Variants in DOCK7 observed in about 807,000 individuals in gnomAD.
The protein encoded by DOCK7 is dedicator of cytokinesis protein 7.
DOCK7 carries 138 observed loss-of-function variants against 271.0 expected under a neutral mutation model. The observed-to-expected ratio is 0.51, with a 90% CI of 0.44 to 0.59. The LOEUF (loss-of-function observed/expected upper bound fraction) is 0.59, where lower values mean the gene tolerates loss of function less well. DOCK7 is among the 20% of genes least tolerant of loss of function. DOCK7 has a pLI of 0.00. For missense variants in DOCK7, 2,066 were observed against 2,592.4 expected (o/e 0.80, Z 4.41); for synonymous variants, 823 against 876.1 (o/e 0.94, Z 1.07).
At chr1:62,542,803 G>T in intron 24 of DOCK7, 100 bp from the exon 25 acceptor site, 1 of 1,060,530 alleles carries the variant, frequency 9.4e-7, no homozygotes, top group Non-Finnish European at 1.4e-6. Flanking sequence ...ATGAGAATAA[G>T]CAAAATAAGG....
intron 2 of DOCK7, among the ~76,000 whole-genome samples, chr1:62,659,644 T>C (rs1433674409): frequency 1.3e-5 from 2 of 152,174 alleles, no homozygotes; most frequent in Admixed American, 6.5e-5. Flanking sequence ...CCTAACAATG[T>C]GGTATCTACA....
chr1:62,672,049 T>G (rs1310710507), intron 1 of DOCK7, among the ~76,000 whole-genome samples: 1 of 150,538 alleles, frequency 6.6e-6, no homozygotes, highest in Non-Finnish European at 1.5e-5. Flanking sequence ...GAAGAAAAAA[T>G]TTCAAACTTC....
At chr1:62,599,620 A>G (rs1649815873) in intron 14 of DOCK7, among the ~76,000 whole-genome samples, 2 of 151,970 alleles carry the variant, frequency 1.3e-5, no homozygotes, top group African/African-American at 4.8e-5. Flanking sequence ...CATATTTTCC[A>G]TTATTTGTAT....
In DOCK7 at chr1:62,648,101, T is replaced by C; in HGVS notation, c.732+5A>G. 4 of 1,611,248 alleles carry C rather than the reference T, an allele frequency of 2.5e-6. No homozygotes were observed. Among genetic ancestry groups the C allele is most frequent in the Non-Finnish European group, 2.5e-6 (3 of 1,177,898 alleles). The stretch of plus-strand genomic sequence containing the variant: ...ATTTGCTTCTTTATATGCAAACATC[T>C]ATACCTCATCTGGTGATGGATGCAA... On this transcript the variant is annotated splice_donor_5th_base_variant and intron_variant, in intron 6 of 49. Transcript: ENST00000635253.
Position 62,648,562 on chromosome 1 carries a change from TTAAA to T in DOCK7, c.390-22_390-19del. The T allele has an allele frequency of 1.6e-6, 2 of 1,214,656 alleles. No homozygotes were observed. Among genetic ancestry groups the T allele is most frequent in the Non-Finnish European group, 2.2e-6 (2 of 916,384 alleles). 75.2% of individuals were successfully genotyped at this position (1,214,656 alleles called of 1,614,324 possible). A position where few individuals can be genotyped will look rare whatever the true frequency, so the allele number is the denominator to read the frequency against. ...TATGATATCTATTAAAGAAAAAAAG[TTAAA>T]TAAATATCAACTATCAAACTTAGGA... On this transcript the variant is annotated intron_variant, in intron 4 of 49. Coordinates refer to ENST00000635253, the MANE Select transcript of DOCK7 (RefSeq NM_001367561.1).
chr1:62,593,932 A>G (rs1275754429), intron 14 of DOCK7, among the ~76,000 whole-genome samples: 1 of 152,174 alleles, frequency 6.6e-6, no homozygotes, highest in Non-Finnish European at 1.5e-5. Flanking sequence ...TTTGAAAGAC[A>G]TATCTCCATA....
chr1:62,567,629 T>C (rs181416496), intron 18 of DOCK7, among the ~76,000 whole-genome samples: 81 of 152,178 alleles, frequency 5.3e-4, no homozygotes, highest in African/African-American at 1.8e-3. Context: ...TAAACCTCCA[T>C]GGCACATGTA....
In DOCK7 at chr1:62,583,241, T is replaced by C; in HGVS notation, c.1814A>G (p.Lys605Arg). The C allele has an allele frequency of 6.2e-7, 1 of 1,613,028 alleles. No homozygotes were observed. The highest frequency in any genetic ancestry group is 8.5e-7 in the Non-Finnish European group (1 of 1,179,336). ...PSNAMPVIFGKSSCSEFSKEA... is the reference protein window; with the variant it reads ...PSNAMPVIFGRSSCSEFSKEA... ...CTTTGAAAATTCTGAACAGCTAGAT[T>C]TACCAAAGATTACCTGAAACAAATA... The change falls in exon 16 of 50, where the codon AAA becomes AGA. Residue 605 changes from lysine (K) to arginine (R), a missense_variant. Physicochemically the swap from Lys to Arg is conservative, Grantham distance 26 (BLOSUM62 2). This residue lies in a region of DOCK7 where 1,414 missense variants were observed against 1,670.4 expected (regional missense o/e 0.85). Coordinates refer to ENST00000635253, the MANE Select transcript of DOCK7 (RefSeq NM_001367561.1).
intron 2 of DOCK7, among the ~76,000 whole-genome samples, chr1:62,654,860 T>C (rs1571914434): frequency 1.3e-5 from 2 of 152,218 alleles, no homozygotes; most frequent in East Asian, 1.9e-4. Flanking sequence ...GATTTGAATA[T>C]CCTGGCCTTG....
chr1:62,589,013 A>G (rs1411031749), intron 14 of DOCK7, among the ~76,000 whole-genome samples: 2 of 152,200 alleles, frequency 1.3e-5, no homozygotes, highest in East Asian at 1.9e-4. Flanking sequence ...AAATGCTGGG[A>G]TAACAGGCAC....
intron 43 of DOCK7, chr1:62,487,074 G>A (rs939550752): frequency 5.0e-6 from 1 of 199,368 alleles, no homozygotes; most frequent in Non-Finnish European, 1.0e-5. Context: ...GAAACAATAT[G>A]GTTAAAAAAA....
chr1:62,467,533 A>T (rs916202526), intron 48 of DOCK7, among the ~76,000 whole-genome samples: 19 of 152,238 alleles, frequency 1.2e-4, no homozygotes, highest in African/African-American at 4.3e-4. Flanking sequence ...ACTGTTTATG[A>T]TAAGGGCACA....
intron 35 of DOCK7, 136 bp from the exon 36 acceptor site, chr1:62,505,952 A>G (rs1374530140): frequency 6.1e-6 from 5 of 819,666 alleles, no homozygotes; most frequent in African/African-American, 1.7e-5. Context: ...AAATGATAAC[A>G]TAAGATCTAG....
chr1:62,568,726 A>G (rs569207169), intron 18 of DOCK7, among the ~76,000 whole-genome samples: 4 of 151,776 alleles, frequency 2.6e-5, no homozygotes, highest in African/African-American at 7.2e-5. Flanking sequence ...GCAGAAGACA[A>G]GAAATAACCA....
chr1:62,682,378 T>C (rs947825313), intron 1 of DOCK7, among the ~76,000 whole-genome samples: 7 of 152,202 alleles, frequency 4.6e-5, no homozygotes, highest in African/African-American at 1.7e-4. Flanking sequence ...TAATAAAGGA[T>C]GTCCAACGCA....
chr1:62,508,886 T>C (rs898914019), intron 34 of DOCK7, among the ~76,000 whole-genome samples: 1 of 152,156 alleles, frequency 6.6e-6, no homozygotes, highest in Non-Finnish European at 1.5e-5. Flanking sequence ...ATTTTTGTTT[T>C]AGCAATAATA....
At chr1:62,527,741 G>T (rs995353493) in intron 31 of DOCK7, among the ~76,000 whole-genome samples, 1 of 136,182 alleles carries the variant, frequency 7.3e-6, no homozygotes, top group Non-Finnish European at 1.6e-5. Flanking sequence ...GGTGGGGGGA[G>T]GGGGAGGGAT....
intron 14 of DOCK7, among the ~76,000 whole-genome samples, chr1:62,590,550 T>C (rs557061957): frequency 7.2e-5 from 11 of 152,310 alleles, no homozygotes; most frequent in South Asian, 2.1e-4. Context: ...CTTAGCTTCA[T>C]AGAACTCGTG....
intron 14 of DOCK7, among the ~76,000 whole-genome samples, chr1:62,606,709 A>G (rs1054705899): frequency 1.3e-5 from 2 of 152,110 alleles, no homozygotes; most frequent in East Asian, 1.9e-4. Flanking sequence ...CATATTTAGT[A>G]CTGTGGGCCA....
Sources: allele counts gnomAD v4.1 joint callset (sites outside exome capture counted in the v4.1 genomes callset), GRCh38; gene constraint gnomAD v4.1.1; regional missense constraint gnomAD v4.1.1; transcripts MANE v1.5; gene names NCBI Gene and HGNC (gene_info 2026-07-23, HGNC 2026-07-21).